Variants in EHD1 observed in about 807,000 individuals in gnomAD.
EHD1 encodes EH domain containing 1, also known as EH domain-containing protein 1.
In EHD1, 19 loss-of-function variants were observed where a neutral mutation model predicts 39.0. That is an observed-to-expected ratio of 0.49 (90% CI 0.34 to 0.72). EHD1 has a LOEUF of 0.72. EHD1 is among the 30% of genes least tolerant of loss of function. The probability of loss-of-function intolerance (pLI) is 0.01; values close to 1 mark genes in which losing one functional copy is unlikely to be tolerated. For synonymous variants in EHD1, 323 were observed against 331.2 expected, an observed-to-expected ratio of 0.98 and a Z score of 0.27; for missense variants, 542 against 751.5, an observed-to-expected ratio of 0.72 and a Z score of 3.26.
upstream of EHD1, chr11:64,878,855 T>C (rs1008299989): frequency 1.6e-5 from 18 of 1,092,464 alleles, no homozygotes; most frequent in Non-Finnish European, 2.0e-5. Flanking sequence ...CCGCCCCTCG[T>C]AGGGAGGCTC....
At chr11:64,877,141 G>A (rs574533640) in intron 1 of EHD1, among the ~76,000 whole-genome samples, 5 of 152,234 alleles carry the variant, frequency 3.3e-5, no homozygotes, top group Non-Finnish European at 5.9e-5. Context: ...GGTCTGTGAA[G>A]TACTTTGGTA....
At chr11:64,879,131 ACT>A, upstream of EHD1, 1 of 1,004,432 alleles carries the variant, frequency 1.0e-6, no homozygotes, top group Non-Finnish European at 1.2e-6. Context: ...CCAGACACAC[ACT>A]GTCTTTGTCC....
chr11:64,866,851 A>G (rs78865537), intron 2 of EHD1, among the ~76,000 whole-genome samples: 2,732 of 152,262 alleles, frequency 0.018, 80 homozygotes, highest in African/African-American at 0.061. Context: ...ACAAAAGGAC[A>G]GATACGGCAC....
In EHD1 at chr11:64,860,325, C is replaced by T; in HGVS notation, c.514G>A (p.Ala172Thr). 6.2e-7 allele frequency: 1 copy of T among 1,611,732 alleles called. No individual in the cohort carries two copies. ...KQRISRGYDF[A>T]AVLEWFAERV... The stretch of plus-strand genomic sequence containing the variant: ...TCCGCGAACCACTCCAGGACGGCTG[C>T]AAAGTCATAGCCTGGGGGGAAGAGA... The change falls in exon 3 of 5, where the codon GCA (alanine) becomes ACA (threonine). Residue 172 changes from alanine to threonine, a missense_variant. By Grantham distance (58) the Ala-to-Thr change is moderately conservative. Transcript: ENST00000320631.
At chr11:64,869,969 G>T (rs1943810604) in intron 2 of EHD1, among the ~76,000 whole-genome samples, 1 of 152,318 alleles carries the variant, frequency 6.6e-6, no homozygotes, top group East Asian at 1.9e-4. Context: ...AACCACTAAG[G>T]ATCAGGACAG....
intron 2 of EHD1, among the ~76,000 whole-genome samples, chr11:64,870,462 C>A (rs957250766): frequency 6.6e-6 from 1 of 152,356 alleles, no homozygotes; most frequent in Admixed American, 6.5e-5. Context: ...GATGCAGCTG[C>A]TGTGATAACT....
Position 64,860,257 on chromosome 11 carries a change from C to T in EHD1, c.582G>A (p.Leu194=), listed in dbSNP as rs536317553. ...RIILLFDAHK[L]DISDEFSEVI... is the part of the protein sequence containing the mutation. Reference sequence around the variant, plus strand: ...CTTCCGAGAACTCATCGGAGATGTCCAGCTTGTGGGCGTCGAAGAGCAGGA... The same window carrying T: ...CTTCCGAGAACTCATCGGAGATGTCTAGCTTGTGGGCGTCGAAGAGCAGGA... The change falls in exon 3 of 5, where the codon CTG becomes CTA. Residue 194 remains leucine, a synonymous_variant. Coordinates refer to ENST00000320631, the MANE Select transcript of EHD1 (RefSeq NM_006795.4). 6.2e-7 allele frequency: 1 copy of T among 1,614,036 alleles called. No homozygotes were observed. The highest frequency in any genetic ancestry group is 1.1e-5 in the South Asian group (1 of 91,080).
chr11:64,877,439 C>T (rs766974100), intron 1 of EHD1, among the ~76,000 whole-genome samples: 12 of 152,148 alleles, frequency 7.9e-5, no homozygotes, highest in Non-Finnish European at 1.3e-4. Context: ...TCCTGAAACC[C>T]CTCAGGGCAG....
chr11:64,878,398 C>G lies in EHD1; in HGVS notation c.67G>C (p.Glu23Gln), dbSNP rs2136507252. ...TGCGCGTACAGCTGCCGCAGCCCCT[C>G]AGCCACCGTCTGGAAGAGCTCCGGC... is the stretch of plus-strand genomic sequence containing the variant. The part of the protein sequence containing the change: ...KEPELFQTVA[E>Q]GLRQLYAQKL... The change falls in exon 1 of 5, where the codon GAG (glutamate) becomes CAG (glutamine). Residue 23 changes from glutamate (E) to glutamine (Q), a missense_variant. Transcript: ENST00000320631. 1 of 1,613,942 alleles carries G rather than the reference C, an allele frequency of 6.2e-7. No individual in the cohort carries two copies. Among genetic ancestry groups the G allele is most frequent in the Middle Eastern group, 1.6e-4 (1 of 6,062 alleles).
rs769117015 is a variant in EHD1, at chr11:64,855,502, G to A, written c.916-16C>T. 6.2e-6 allele frequency: 10 copies of A among 1,613,218 alleles called. No homozygotes were observed. In the African/African-American group the frequency reaches 8.0e-5, roughly 13 times the overall value. ...AGGCGTGAACCTGTGAGGACGGGGT[G>A]AGCATCAGGCGCTCTCTTGGCCCAG... On this transcript the variant is annotated splice_polypyrimidine_tract_variant and intron_variant, in intron 3 of 4. Coordinates refer to ENST00000320631, the MANE Select transcript of EHD1 (RefSeq NM_006795.4).
chr11:64,855,171 G>C, intron 4 of EHD1, 151 bp downstream of exon 4: 1 of 1,243,584 alleles, frequency 8.0e-7, no homozygotes. Flanking sequence ...GGTCAACTCT[G>C]AGTTGGGTGG....
intron 2 of EHD1, 42 bp from the exon 3 acceptor site, chr11:64,860,378 C>T (rs1281495461): frequency 2.5e-6 from 4 of 1,574,752 alleles, no homozygotes; most frequent in Middle Eastern, 1.7e-4. Flanking sequence ...GCCAAGGGAC[C>T]TGCTGCTCTG....
At chr11:64,857,933 A>T (rs978634086) in intron 3 of EHD1, among the ~76,000 whole-genome samples, 1 of 151,382 alleles carries the variant, frequency 6.6e-6, no homozygotes, top group Admixed American at 6.6e-5. Flanking sequence ...AGAACTGGGG[A>T]CGTATCACCA....
chr11:64,855,162 G>A lies in EHD1; in HGVS notation c.1080+160C>T. 7.5e-6 allele frequency: 9 copies of A among 1,201,478 alleles called. No homozygotes were observed. The South Asian group carries it at 9.6e-5, about 13-fold the overall frequency. 74.4% of individuals were successfully genotyped at this position (1,201,478 alleles called of 1,614,324 possible). A position where few individuals can be genotyped will look rare whatever the true frequency, so the allele number is the denominator to read the frequency against. On this transcript the variant is annotated intron_variant, in intron 4 of 4. Coordinates refer to ENST00000320631, the MANE Select transcript of EHD1 (RefSeq NM_006795.4). ...TCCCCTCTGCAGTGTCACCGCCTGG[G>A]TCAACTCTGAGTTGGGTGGGGTGCT...
chr11:64,858,112 G>A (rs1943673693), intron 3 of EHD1, among the ~76,000 whole-genome samples: 2 of 151,094 alleles, frequency 1.3e-5, no homozygotes, highest in Admixed American at 6.6e-5. Context: ...GGCCTTAAGG[G>A]ATCCTCCTGC....
intron 2 of EHD1, among the ~76,000 whole-genome samples, chr11:64,864,334 G>A (rs2136486571): frequency 6.6e-6 from 1 of 152,374 alleles, no homozygotes; most frequent in Non-Finnish European, 1.5e-5. Flanking sequence ...TCGTGCCAGG[G>A]CACCTCATGC....
chr11:64,876,225 G>A (rs1360014060), intron 1 of EHD1, among the ~76,000 whole-genome samples: 2 of 152,242 alleles, frequency 1.3e-5, no homozygotes, highest in Non-Finnish European at 2.9e-5. Flanking sequence ...AGGGGGAGAA[G>A]GCCGGCAAGT....
chr11:64,856,504 GCAGCCCTCGAGAGTAGCC>G (rs1256374921), intron 3 of EHD1: 1 of 152,318 alleles, frequency 6.6e-6, no homozygotes, highest in Non-Finnish European at 1.5e-5. Flanking sequence ...TGGGAACCTG[GCAGCCCTCGAGAGTAGCC>G]CAGCCCTCAG....
intron 3 of EHD1, among the ~76,000 whole-genome samples, chr11:64,858,889 C>G (rs3937000): frequency 0.89 from 135,408 of 152,302 alleles, 60,725 homozygotes; most frequent in Non-Finnish European, 0.93. Context: ...GCCAGGAGAC[C>G]TAAGGATGGT....
Sources: allele counts gnomAD v4.1 joint callset (sites outside exome capture counted in the v4.1 genomes callset), GRCh38; gene constraint gnomAD v4.1.1; transcripts MANE v1.5; gene names NCBI Gene and HGNC (gene_info 2026-07-23, HGNC 2026-07-21).